Variants in PIBF1 observed in about 807,000 individuals in gnomAD.
PIBF1 encodes the protein progesterone immunomodulatory binding factor 1.
Under a neutral mutation model 112.5 loss-of-function variants are expected in PIBF1, and 90 were observed. The observed-to-expected ratio is 0.80, with a 90% CI of 0.67 to 0.95. The LOEUF (loss-of-function observed/expected upper bound fraction) is 0.95. Ranked by LOEUF, PIBF1 falls within the 40% of genes least tolerant of loss-of-function variation. The pLI is 0.00. For missense variants in PIBF1, 915 were observed against 852.3 expected (o/e 1.07, Z -0.92); for synonymous variants, 301 against 288.6 (o/e 1.04, Z -0.44).
At chr13:72,910,441 T>G (rs1407481759) in intron 12 of PIBF1, among the ~76,000 whole-genome samples, 2 of 152,210 alleles carry the variant, frequency 1.3e-5, no homozygotes, top group African/African-American at 4.8e-5. Flanking sequence ...TCCGTAACTT[T>G]GCATATTTCC....
intron 13 of PIBF1, among the ~76,000 whole-genome samples, chr13:72,929,110 G>T (rs1438510753): frequency 1.3e-5 from 2 of 152,088 alleles, no homozygotes; most frequent in African/African-American, 4.8e-5. Flanking sequence ...GTGAAGTTCT[G>T]TGGGACACAA....
intron 6 of PIBF1, among the ~76,000 whole-genome samples, chr13:72,825,737 A>G (rs2036777141): frequency 6.6e-6 from 1 of 152,166 alleles, no homozygotes; most frequent in African/African-American, 2.4e-5. Flanking sequence ...TACAAAACAA[A>G]TACAACAGTG....
In PIBF1 at chr13:73,011,917, A is replaced by G. The variant is rs534293468; in HGVS notation, c.2224-3952A>G. Among the ~76,000 whole-genome samples, 14 of 152,310 alleles carry G rather than the reference A, an allele frequency of 9.2e-5. No homozygotes were observed. In the South Asian group the frequency reaches 2.9e-3, roughly 32 times the overall value. On this transcript the variant is annotated intron_variant, in intron 17 of 17. Transcript: ENST00000326291. ...AGACAGAGAACCTAAAACAACTATGATTAGTATGCCAAGGGCTGCAACAGA... is the reference window on the plus strand; with the variant it reads ...AGACAGAGAACCTAAAACAACTATGGTTAGTATGCCAAGGGCTGCAACAGA...
rs71099771 is a variant in PIBF1, at chr13:72,949,300, C to CTTTTTTTTTTTTTTTTTTTT, written c.1834-15960_1834-15941dup. On this transcript the variant is annotated intron_variant, in intron 14 of 17. Transcript: ENST00000326291. The stretch of plus-strand genomic sequence containing the variant: ...AACTACTACCTAGACAAATAGCTGT[C>CTTTTTTTTTTTTTTTTTTTT]TTTTTTTTTTTTTTTTTTTTTTTTT... Among the ~76,000 whole-genome samples, 10 of 54,980 alleles carry CTTTTTTTTTTTTTTTTTTTT rather than the reference C, an allele frequency of 1.8e-4. 2 individuals are homozygous for CTTTTTTTTTTTTTTTTTTTT. Among genetic ancestry groups the CTTTTTTTTTTTTTTTTTTTT allele is most frequent in the African/African-American group, 3.6e-4 (5 of 13,996 alleles). The allele number at this position is 54,980 out of a possible 152,430, so 36.1% of individuals were successfully genotyped here. A position where few individuals can be genotyped will look rare whatever the true frequency, so the allele number is the denominator to read the frequency against.
intron 14 of PIBF1, among the ~76,000 whole-genome samples, chr13:72,955,686 G>A (rs1274554276): frequency 6.6e-6 from 1 of 152,112 alleles, no homozygotes; most frequent in African/African-American, 2.4e-5. Flanking sequence ...CTCAAAGGTA[G>A]CTTTGAAGGA....
At chr13:72,909,569 AC>A (rs2040826647) in intron 12 of PIBF1, among the ~76,000 whole-genome samples, 1 of 148,974 alleles carries the variant, frequency 6.7e-6, no homozygotes, top group Non-Finnish European at 1.5e-5. Flanking sequence ...ATCTCAGCTC[AC>A]CTCAACCTCT....
intron 14 of PIBF1, among the ~76,000 whole-genome samples, chr13:72,959,145 G>A (rs1423609209): frequency 7.9e-5 from 12 of 152,008 alleles, no homozygotes; most frequent in Admixed American, 6.6e-4. Flanking sequence ...ACAGGCATGC[G>A]CCACCACACC....
At chr13:72,846,000 T>G in intron 9 of PIBF1, among the ~76,000 whole-genome samples, 1 of 152,168 alleles carries the variant, frequency 6.6e-6, no homozygotes, top group East Asian at 1.9e-4. Context: ...GAACACAATC[T>G]TTAGCTTCCA....
chr13:73,006,920 C>G (rs2044049046), intron 17 of PIBF1, among the ~76,000 whole-genome samples: 1 of 151,976 alleles, frequency 6.6e-6, no homozygotes, highest in African/African-American at 2.4e-5. Flanking sequence ...GCTTTGTGCT[C>G]TCTTTCCTAA....
At chr13:72,988,395 A>G (rs2043373217) in intron 16 of PIBF1, among the ~76,000 whole-genome samples, 1 of 151,982 alleles carries the variant, frequency 6.6e-6, no homozygotes, top group South Asian at 2.1e-4. Flanking sequence ...TTACCCTACA[A>G]GTGGAAGCAA....
At chr13:72,789,648 A>G in intron 2 of PIBF1, among the ~76,000 whole-genome samples, 1 of 152,130 alleles carries the variant, frequency 6.6e-6, no homozygotes, top group East Asian at 1.9e-4. Flanking sequence ...ACCCTGAAAA[A>G]AATGTTTTTT....
intron 9 of PIBF1, among the ~76,000 whole-genome samples, chr13:72,842,362 T>A (rs1037263831): frequency 6.6e-6 from 1 of 152,170 alleles, no homozygotes; most frequent in Admixed American, 6.6e-5. Context: ...TACAATTGTT[T>A]GAAAGGGGGT....
At chr13:73,002,703 C>A (rs964044393) in intron 17 of PIBF1, among the ~76,000 whole-genome samples, 1 of 151,924 alleles carries the variant, frequency 6.6e-6, no homozygotes, top group Non-Finnish European at 1.5e-5. Flanking sequence ...CAAAAAAGAG[C>A]TTGGGCGCAG....
intron 17 of PIBF1, among the ~76,000 whole-genome samples, chr13:73,005,804 G>C (rs937592658): frequency 6.6e-6 from 1 of 152,022 alleles, no homozygotes. Flanking sequence ...AACTGAACTT[G>C]CTGGTAGATT....
intron 11 of PIBF1, among the ~76,000 whole-genome samples, chr13:72,897,073 G>C (rs937335962): frequency 7.9e-5 from 12 of 152,258 alleles, no homozygotes; most frequent in African/African-American, 2.9e-4. Flanking sequence ...TCCTATAGAG[G>C]AAAACCTATA....
chr13:72,785,435 A>G (rs1394886560), intron 2 of PIBF1, among the ~76,000 whole-genome samples: 1 of 152,150 alleles, frequency 6.6e-6, no homozygotes, highest in African/African-American at 2.4e-5. Context: ...ACTGAACCCC[A>G]TTTTGCTCTG....
intron 2 of PIBF1, among the ~76,000 whole-genome samples, chr13:72,787,081 A>G (rs941345255): frequency 1.3e-5 from 2 of 152,162 alleles, no homozygotes; most frequent in Non-Finnish European, 2.9e-5. Flanking sequence ...AAGAATATGT[A>G]TATGTATGTT....
chr13:72,856,018 C>A (rs975921777), intron 10 of PIBF1, among the ~76,000 whole-genome samples: 1 of 152,108 alleles, frequency 6.6e-6, no homozygotes, highest in African/African-American at 2.4e-5. Flanking sequence ...TATATCTGAT[C>A]ATAAAACTGA....
chr13:72,935,186 A>G (rs578157279), intron 14 of PIBF1, among the ~76,000 whole-genome samples: 3 of 152,050 alleles, frequency 2.0e-5, no homozygotes, highest in East Asian at 3.9e-4. Flanking sequence ...GGGTTTCACT[A>G]TGTTGGCCAG....
Sources: gnomAD v4.1 joint callset for allele counts (sites outside exome capture counted in the v4.1 genomes callset) on GRCh38, gnomAD v4.1.1 for gene constraint, MANE v1.5 for transcripts, NCBI Gene and HGNC (gene_info 2026-07-23, HGNC 2026-07-21) for gene names.